Variants in JAK1 observed in about 807,000 individuals in gnomAD.
JAK1 encodes Janus kinase 1, also known as tyrosine-protein kinase JAK1.
A neutral mutation model predicts 136.6 loss-of-function variants in JAK1; 16 were observed. That is an observed-to-expected ratio of 0.12 (90% CI 0.08 to 0.18). The LOEUF (loss-of-function observed/expected upper bound fraction) is 0.18. Ranked by LOEUF, JAK1 falls within the 10% of genes least tolerant of loss-of-function variation. The pLI is 1.00. For synonymous variants in JAK1, 492 were observed against 519.5 expected (o/e 0.95, Z 0.72); for missense variants, 859 against 1,450.1 (o/e 0.59, Z 6.62).
At chr1:65,036,118 T>C (rs911543533) in intron 2 of JAK1, among the ~76,000 whole-genome samples, 5 of 151,902 alleles carry the variant, frequency 3.3e-5, no homozygotes, top group African/African-American at 1.2e-4. Context: ...GTTATTGGGA[T>C]GGATAGTGTG....
intron 2 of JAK1, among the ~76,000 whole-genome samples, chr1:65,015,213 A>G (rs924473173): frequency 8.5e-5 from 13 of 152,228 alleles, no homozygotes; most frequent in African/African-American, 3.1e-4. Context: ...ATATGAATAA[A>G]TCTAAACAAT....
At chr1:64,920,823 T>C (rs1003269653) in intron 1 of JAK1, among the ~76,000 whole-genome samples, 29 of 152,166 alleles carry the variant, frequency 1.9e-4, no homozygotes, top group African/African-American at 6.8e-4. Context: ...AGTCCATATA[T>C]TCCTGCTTAC....
chr1:64,956,417 C>T (rs1326243615), intron 1 of JAK1, among the ~76,000 whole-genome samples: 1 of 152,160 alleles, frequency 6.6e-6, no homozygotes, highest in Non-Finnish European at 1.5e-5. Flanking sequence ...TCCCCTCTGC[C>T]TAGTACATTT....
chr1:64,919,694 C>T (rs1645462434), intron 1 of JAK1, among the ~76,000 whole-genome samples: 2 of 152,004 alleles, frequency 1.3e-5, no homozygotes, highest in Admixed American at 6.6e-5. Flanking sequence ...GGCAATAATC[C>T]CCTGGACTTT....
At chr1:64,919,578 T>C (rs1007074395) in intron 1 of JAK1, among the ~76,000 whole-genome samples, 3 of 152,206 alleles carry the variant, frequency 2.0e-5, no homozygotes, top group African/African-American at 7.2e-5. Flanking sequence ...TCTAGATCCC[T>C]GAGGAATCGC....
At chr1:64,874,816 T>C (rs1257507620) in intron 4 of JAK1, among the ~76,000 whole-genome samples, 1 of 152,188 alleles carries the variant, frequency 6.6e-6, no homozygotes, top group South Asian at 2.1e-4. Flanking sequence ...TGTGCTATGT[T>C]TGCAGAGCCT....
chr1:64,972,162 C>T (rs1345668985), intron 2 of JAK1: 1 of 152,200 alleles, frequency 6.6e-6, no homozygotes, highest in African/African-American at 2.4e-5. Flanking sequence ...ATTCCCCCTA[C>T]CTACTCTTCC....
intron 1 of JAK1, among the ~76,000 whole-genome samples, chr1:64,895,859 A>C (rs775925669): frequency 5.9e-5 from 9 of 152,234 alleles, no homozygotes; most frequent in Non-Finnish European, 1.0e-4. Flanking sequence ...CTTCATGATC[A>C]CATCTAGGGA....
intron 1 of JAK1, among the ~76,000 whole-genome samples, chr1:64,964,625 T>A (rs1231486525): frequency 6.6e-6 from 1 of 152,218 alleles, no homozygotes; most frequent in Admixed American, 6.5e-5. Flanking sequence ...ACTGGCTGTA[T>A]TCAGTGTGGA....
intron 1 of JAK1, among the ~76,000 whole-genome samples, chr1:64,917,111 A>T (rs1645411329): frequency 1.3e-5 from 2 of 152,026 alleles, no homozygotes; most frequent in South Asian, 2.1e-4. Flanking sequence ...AAATTTCATA[A>T]CATTGGAAAC....
At chr1:64,897,926 T>C (rs1645048450) in intron 1 of JAK1, among the ~76,000 whole-genome samples, 1 of 152,130 alleles carries the variant, frequency 6.6e-6, no homozygotes, top group Non-Finnish European at 1.5e-5. Context: ...CTGCTACTCT[T>C]TGATGGATAT....
Position 64,985,168 on chromosome 1 carries a change from C to T in JAK1, c.-78+59312G>A. The T allele has an allele frequency of 7.1e-6, 10 of 1,408,528 alleles. No individual in the cohort carries two copies. The South Asian group carries it at 1.2e-4, about 16-fold the overall frequency. 87.3% of individuals were successfully genotyped at this position (1,408,528 alleles called of 1,614,324 possible). ...AAGATAGTATTAACCACACCCACAC[C>T]AATGGTGACACAGATGGGCTCTTGA... On this transcript the variant is annotated intron_variant, in intron 2 of 25. Transcript: ENST00000671954.
At chr1:64,866,093 ATAATTG>A (rs1191118662) in intron 7 of JAK1, among the ~76,000 whole-genome samples, 2 of 152,220 alleles carry the variant, frequency 1.3e-5, no homozygotes, top group African/African-American at 4.8e-5. Context: ...TACAGTAATA[ATAATTG>A]TAACGGCTAT....
At chr1:65,004,669 G>C (rs530928807) in intron 2 of JAK1, among the ~76,000 whole-genome samples, 1 of 152,320 alleles carries the variant, frequency 6.6e-6, no homozygotes, top group South Asian at 2.1e-4. Flanking sequence ...AAGACTATAA[G>C]TAGGGATTAT....
At chr1:64,902,551 T>TGAGA (rs142393341) in intron 1 of JAK1, among the ~76,000 whole-genome samples, 13 of 102,428 alleles carry the variant, frequency 1.3e-4, no homozygotes, top group East Asian at 3.0e-4. Context: ...CATGAATTTG[T>TGAGA]GAGAGAGAGA....
intron 1 of JAK1, among the ~76,000 whole-genome samples, chr1:65,052,932 G>A (rs549289670): frequency 8.6e-5 from 13 of 150,322 alleles, no homozygotes; most frequent in African/African-American, 3.2e-4. Context: ...TCAGGAGGCT[G>A]AGGCAGGAGA....
Position 64,897,694 on chromosome 1 carries a change from T to C in JAK1, c.-77-11353A>G, listed in dbSNP as rs1020901387. 7.3e-5 allele frequency among the ~76,000 whole-genome samples: 11 copies of C among 151,702 alleles called. No homozygotes were observed. The South Asian group carries it at 1.3e-3, about 17-fold the overall frequency. ...CTGGGCCCAGGCTACAAATGCCCCC[T>C]AAGGAGTCTGGATTTTCTTCTGAGG... On this transcript the variant is annotated intron_variant, in intron 1 of 24. Coordinates refer to ENST00000342505, the MANE Select transcript of JAK1 (RefSeq NM_002227.4).
chr1:64,985,500 C>T, intron 2 of JAK1: 2 of 1,568,992 alleles, frequency 1.3e-6, no homozygotes, highest in Non-Finnish European at 1.8e-6. Flanking sequence ...AAGGGCTGCA[C>T]TTTGTAGCAT....
intron 2 of JAK1, among the ~76,000 whole-genome samples, chr1:65,017,449 C>CAG (rs760387716): frequency 6.6e-6 from 1 of 152,058 alleles, no homozygotes; most frequent in Non-Finnish European, 1.5e-5. Context: ...GCCTGGGCAA[C>CAG]AGAGAGAGAC....
Sources: gnomAD v4.1 joint callset for allele counts (sites outside exome capture counted in the v4.1 genomes callset) on GRCh38, gnomAD v4.1.1 for gene constraint, MANE v1.5 for transcripts, NCBI Gene and HGNC (gene_info 2026-07-23, HGNC 2026-07-21) for gene names.